CD101: variants seen among roughly 807,000 people sequenced by gnomAD.
CD101 encodes immunoglobulin superfamily member 2.
A neutral mutation model predicts 98.2 loss-of-function variants in CD101; 76 were observed. The observed-to-expected ratio is 0.77, with a 90% CI of 0.64 to 0.94. The LOEUF (loss-of-function observed/expected upper bound fraction) is 0.94. CD101 is among the 40% of genes least tolerant of loss of function. The probability of loss-of-function intolerance (pLI) is 0.00; values close to 1 mark genes in which losing one functional copy is unlikely to be tolerated. For missense variants in CD101, 1,145 were observed against 1,218.8 expected (o/e 0.94, Z 0.90); for synonymous variants, 471 against 472.7 (o/e 1.00, Z 0.05).
At chr1:117,002,870 A>C (rs1652319490) in intron 1 of CD101, among the ~76,000 whole-genome samples, 1 of 152,236 alleles carries the variant, frequency 6.6e-6, no homozygotes, top group African/African-American at 2.4e-5. Flanking sequence ...TACATACATA[A>C]CTGAAGAAAA....
chr1:117,007,629 T>C (rs1023481044), intron 1 of CD101, among the ~76,000 whole-genome samples: 2 of 152,220 alleles, frequency 1.3e-5, no homozygotes, highest in African/African-American at 4.8e-5. Flanking sequence ...ATTACAGGCA[T>C]GAGCCACCTC....
chr1:117,001,891 G>A, intron 1 of CD101, 31 bp downstream of exon 1: 1 of 1,609,834 alleles, frequency 6.2e-7, no homozygotes. Context: ...TGTTTCTCTT[G>A]TCACAGGAGT....
At chr1:117,009,236 A>G (rs1382147894) in intron 1 of CD101, among the ~76,000 whole-genome samples, 3 of 152,268 alleles carry the variant, frequency 2.0e-5, no homozygotes, top group African/African-American at 4.8e-5. Context: ...CAGTAAAGCT[A>G]TAGTGGCTCT....
In CD101 at chr1:117,018,086, G is replaced by T; in HGVS notation, c.1613-70G>T. ...GTCCTAGTCAAAGAGGTGGCAACTA[G>T]AAAAACTTGAAAGTGCTATATTTTA... On this transcript the variant is annotated intron_variant, in intron 5 of 9. Coordinates refer to ENST00000682167, the MANE Select transcript of CD101 (RefSeq NM_001256106.3). The surrounding 1 kb of genome is among the most constrained non-coding windows in gnomAD (Gnocchi z 4.3). The T allele has an allele frequency of 1.4e-6, 2 of 1,388,346 alleles. No homozygotes were observed. Among genetic ancestry groups the T allele is most frequent in the Non-Finnish European group, 9.6e-7 (1 of 1,036,514 alleles). 86.0% of individuals were successfully genotyped at this position (1,388,346 alleles called of 1,614,324 possible).
chr1:117,031,586 C>T (rs144003071), intron 8 of CD101, among the ~76,000 whole-genome samples: 1 of 152,316 alleles, frequency 6.6e-6, no homozygotes, highest in African/African-American at 2.4e-5. Flanking sequence ...CTGTAGGCTC[C>T]AGCCCTGTTC....
rs1432391734 is a variant in CD101 at position 117,036,444 on chromosome 1, AACCCTCCTGTC to A, written c.*313_*323del. 2 of 151,858 alleles carry A rather than the reference AACCCTCCTGTC, an allele frequency of 1.3e-5. No homozygotes were observed. The highest frequency in any genetic ancestry group is 2.9e-5 in the Non-Finnish European group (2 of 68,006). The allele number at this position is 151,858 out of a possible 1,614,324, so 9.4% of individuals were successfully genotyped here. ...CTCTCCCCTCTCCATCACCCCATAA[AACCCTCCTGTC>A]ACTTTCCTTCAGAGACACCGCTTTG... On this transcript the variant is annotated 3_prime_UTR_variant, in exon 10 of 10. Transcript: ENST00000682167. The surrounding 1 kb of genome is among the most constrained non-coding windows in gnomAD (Gnocchi z 5.0).
chr1:117,029,192 A>AGTAGATACGACTG (rs1557778759), intron 8 of CD101, among the ~76,000 whole-genome samples: 1 of 72,550 alleles, frequency 1.4e-5, no homozygotes, highest in Non-Finnish European at 2.6e-5. Context: ...AGAAAGAAAG[A>AGTAGATACGACTG]AAGAAAGAAA....
intron 8 of CD101, among the ~76,000 whole-genome samples, chr1:117,028,413 A>T (rs906029201): frequency 2.6e-5 from 4 of 152,140 alleles, no homozygotes; most frequent in African/African-American, 9.7e-5. Context: ...TTTGGAGGGG[A>T]AGATTAGTTC....
chr1:117,027,243 A>G (rs1405622180), intron 8 of CD101, among the ~76,000 whole-genome samples: 3 of 152,236 alleles, frequency 2.0e-5, no homozygotes, highest in Admixed American at 1.3e-4. Flanking sequence ...GTGTACATCT[A>G]TGTGACAAAA....
chr1:117,006,001 A>G lies in CD101; in HGVS notation c.44-3849A>G, dbSNP rs1315477862. On this transcript the variant is annotated intron_variant, in intron 1 of 9. Transcript: ENST00000682167. This position sits in a 1 kb window ranked among gnomAD's most constrained non-coding sequence, Gnocchi z 4.4. ...AAATATTTCAAAATGTTTGCTGGATATCCTTCCTGTCTATTCCATGGTCTT... is the reference window on the plus strand; with the variant it reads ...AAATATTTCAAAATGTTTGCTGGATGTCCTTCCTGTCTATTCCATGGTCTT... Among the ~76,000 whole-genome samples, 1 of 152,148 alleles carries G rather than the reference A, an allele frequency of 6.6e-6. No homozygotes were observed. Among genetic ancestry groups the G allele is most frequent in the African/African-American group, 2.4e-5 (1 of 41,440 alleles).
chr1:117,003,462 G>A (rs116579545), intron 1 of CD101, among the ~76,000 whole-genome samples: 2,969 of 152,300 alleles, frequency 0.019, 104 homozygotes, highest in African/African-American at 0.069. Flanking sequence ...CTTGGCGGGT[G>A]TTGATGGATA....
chr1:117,020,390 A>G (rs1455321533), intron 6 of CD101, among the ~76,000 whole-genome samples: 2 of 152,090 alleles, frequency 1.3e-5, no homozygotes, highest in Admixed American at 1.3e-4. Context: ...CTGAAAATGC[A>G]CAGATTAGCC....
At position 117,010,005 on chromosome 1, in the gene CD101, A is replaced by G; in HGVS notation, c.199A>G (p.Thr67Ala). 6.2e-7 allele frequency: 1 copy of G among 1,614,100 alleles called. No homozygotes were observed. ...QWSVYLPTNPTQEVQIISTKD... is the reference protein window; with the variant it reads ...QWSVYLPTNPAQEVQIISTKD... ...GTCTGTTTACCTGCCGACAAACCCG[A>G]CCCAGGAAGTCCAGATCATTAGCAC... The change falls in exon 2 of 10, where the codon ACC (threonine) becomes GCC (alanine). Residue 67 changes from threonine (T) to alanine (A), a missense_variant. Transcript: ENST00000682167. The surrounding 1 kb of genome is among the most constrained non-coding windows in gnomAD (Gnocchi z 5.2).
chr1:117,014,158 CAT>C (rs1286322723), intron 4 of CD101, among the ~76,000 whole-genome samples: 2 of 148,372 alleles, frequency 1.3e-5, no homozygotes, highest in African/African-American at 2.5e-5. Context: ...AAGCAGAGAA[CAT>C]GTGTATTAAT....
rs996359187 is a variant in CD101, at chr1:117,027,075, G to A, written c.2824+1171G>A. 3.9e-5 allele frequency among the ~76,000 whole-genome samples: 6 copies of A among 152,292 alleles called. No homozygotes were observed. In the South Asian group the frequency reaches 6.2e-4, roughly 16 times the overall value. ...CGCTGGTTACTTGCTGTGAGCCTCA[G>A]CTTTCTATAAAATGAAGATCACAAT... On this transcript the variant is annotated intron_variant, in intron 8 of 9. Coordinates refer to ENST00000682167, the MANE Select transcript of CD101 (RefSeq NM_001256106.3).
Position 117,023,709 on chromosome 1 carries a change from G to A in CD101, c.2428+1726G>A, listed in dbSNP as rs891543821. Among the ~76,000 whole-genome samples, 16 of 151,990 alleles carry A rather than the reference G, an allele frequency of 1.1e-4. No homozygotes were observed. The highest frequency in any genetic ancestry group is 3.9e-4 in the African/African-American group (16 of 41,366). ...TGGGATTACAGGCGTGAGCCACTGC[G>A]CCCAGCCCAGTTCTCTTAAAATACT... On this transcript the variant is annotated intron_variant, in intron 7 of 9. Transcript: ENST00000682167. This position sits in a 1 kb window ranked among gnomAD's most constrained non-coding sequence, Gnocchi z 4.4.
rs1397821848 is a variant in CD101 at position 117,022,071 on chromosome 1, A to G, written c.2428+88A>G. The G allele has an allele frequency of 3.6e-6, 5 of 1,403,296 alleles. No individual in the cohort carries two copies. The Admixed American group carries it at 6.8e-5, about 19-fold the overall frequency. 86.9% of individuals were successfully genotyped at this position (1,403,296 alleles called of 1,614,324 possible). A position where few individuals can be genotyped will look rare whatever the true frequency, so the allele number is the denominator to read the frequency against. Reference sequence around the variant, plus strand: ...GCTGTTCTATGGAGTGATTATGTGGAAGTAAAAATATGACCTAAAGTCATA... The same window carrying G: ...GCTGTTCTATGGAGTGATTATGTGGGAGTAAAAATATGACCTAAAGTCATA... On this transcript the variant is annotated intron_variant, in intron 7 of 9. Transcript: ENST00000682167. This position sits in a 1 kb window ranked among gnomAD's most constrained non-coding sequence, Gnocchi z 4.8.
chr1:117,030,073 A>G lies in CD101; in HGVS notation c.2825-3787A>G, dbSNP rs1203243775. 4.6e-5 allele frequency among the ~76,000 whole-genome samples: 7 copies of G among 152,200 alleles called. No homozygotes were observed. In the Middle Eastern group the frequency reaches 0.014, roughly 296 times the overall value. ...CTGTAGTAGTGTGGTACTTGTTACT[A>G]TTTCCCAGCTTTTATTTGGGTAAAG... On this transcript the variant is annotated intron_variant, in intron 8 of 9. Coordinates refer to ENST00000682167, the MANE Select transcript of CD101 (RefSeq NM_001256106.3).
intron 8 of CD101, among the ~76,000 whole-genome samples, chr1:117,028,034 G>A (rs775134416): frequency 1.1e-4 from 16 of 152,150 alleles, no homozygotes; most frequent in South Asian, 2.1e-4. Context: ...GCGGTGAGCC[G>A]AGATCACGCC....
Sources: allele counts gnomAD v4.1 joint callset (sites outside exome capture counted in the v4.1 genomes callset), GRCh38; gene constraint gnomAD v4.1.1; non-coding constraint Gnocchi (gnomAD v3.1); transcripts MANE v1.5; gene names NCBI Gene and HGNC (gene_info 2026-07-23, HGNC 2026-07-21).